DMD: variants seen among roughly 807,000 people sequenced by gnomAD.
DMD encodes mutant dystrophin.
A neutral mutation model predicts 330.1 loss-of-function variants in DMD; 63 were observed. That is an observed-to-expected ratio of 0.19 (90% CI 0.16 to 0.24). The LOEUF (loss-of-function observed/expected upper bound fraction) is 0.24, where lower values mean the gene tolerates loss of function less well. Among genes scored for constraint, DMD ranks in the 10% least tolerant of loss-of-function variants. DMD has a pLI of 1.00. For synonymous variants in DMD, 1,223 were observed against 959.8 expected (o/e 1.27, Z -5.07); for missense variants, 3,344 against 2,684.1 (o/e 1.25, Z -5.43).
intron 43 of DMD, among the ~76,000 whole-genome samples, chrX:32,236,589 T>C (rs2097188791): frequency 9.0e-6 from 1 of 111,388 alleles, no homozygotes; most frequent in Admixed American, 9.5e-5. Flanking sequence ...TGATAGTAAA[T>C]TAGTCTCATG....
At chrX:31,200,753 C>T (rs2043351531) in intron 67 of DMD, among the ~76,000 whole-genome samples, 1 of 110,691 alleles carries the variant, frequency 9.0e-6, no homozygotes, top group South Asian at 3.9e-4. Context: ...AGTATGAGGG[C>T]AATAAGACCA....
At chrX:31,510,016 T>C (rs891577846) in intron 55 of DMD, among the ~76,000 whole-genome samples, 2 of 112,400 alleles carry the variant, frequency 1.8e-5, no homozygotes, top group East Asian at 2.8e-4. Flanking sequence ...TATCTTAGCA[T>C]TGGCAAGAAG....
chrX:32,548,413 G>GA (rs1569176791), intron 16 of DMD, among the ~76,000 whole-genome samples: 1 of 111,854 alleles, frequency 8.9e-6, no homozygotes. Flanking sequence ...ATTTGATGCT[G>GA]AAGGCTAGAT....
At chrX:32,071,330 T>A (rs763532562) in intron 44 of DMD, among the ~76,000 whole-genome samples, 87 of 109,588 alleles carry the variant, frequency 7.9e-4, no homozygotes, top group Admixed American at 1.5e-3. Context: ...GCACCTGTTG[T>A]TTCCTGATTT....
rs777476281 is a variant in DMD, at chrX:32,577,564, C to T, written c.1603-3718G>A. Among the ~76,000 whole-genome samples, 22 of 112,244 alleles carry T rather than the reference C, an allele frequency of 2.0e-4. 1 individual carries two copies. The South Asian group carries it at 8.1e-3, about 41-fold the overall frequency. ...AGAGTTGGTCGTTGTTTACAATTTG[C>T]TTGATCATGGTTCTTACATCAAATC... On this transcript the variant is annotated intron_variant, in intron 13 of 78. Transcript: ENST00000357033.
At chrX:32,609,573 A>T (rs770851684) in intron 12 of DMD, among the ~76,000 whole-genome samples, 1 of 111,172 alleles carries the variant, frequency 9.0e-6, no homozygotes, top group African/African-American at 3.3e-5. Flanking sequence ...GAAATGTCAG[A>T]TCCTTTGGCA....
At chrX:31,214,099 C>A (rs1208134509) in intron 64 of DMD, among the ~76,000 whole-genome samples, 1 of 92,891 alleles carries the variant, frequency 1.1e-5, no homozygotes, top group Admixed American at 1.2e-4. Context: ...TTCCACTGGG[C>A]TTCACCCTCT....
At chrX:32,614,832 GA>G (rs1207011417) in intron 11 of DMD, among the ~76,000 whole-genome samples, 1 of 110,671 alleles carries the variant, frequency 9.0e-6, no homozygotes, top group Non-Finnish European at 1.9e-5. Context: ...CCCTTCAAGA[GA>G]TGAGGTCTAT....
intron 60 of DMD, among the ~76,000 whole-genome samples, chrX:31,360,718 C>T (rs1437371424): frequency 8.9e-6 from 1 of 111,868 alleles, no homozygotes; most frequent in Non-Finnish European, 1.9e-5. Flanking sequence ...GATGTAATAG[C>T]AAATCAGTAA....
intron 21 of DMD, among the ~76,000 whole-genome samples, chrX:32,476,948 A>G (rs1373039949): frequency 9.0e-6 from 1 of 111,500 alleles, no homozygotes; most frequent in East Asian, 2.8e-4. Context: ...CAATAAACAT[A>G]TCCAATCTAA....
intron 1 of DMD, among the ~76,000 whole-genome samples, chrX:33,305,157 G>C (rs865881262): frequency 2.5e-4 from 27 of 107,064 alleles, no homozygotes; most frequent in Middle Eastern, 4.7e-3. Context: ...GCAAAGACTT[G>C]GAACCAACCC....
chrX:31,542,158 G>T (rs1236151862), intron 55 of DMD, among the ~76,000 whole-genome samples: 5 of 111,674 alleles, frequency 4.5e-5, no homozygotes, highest in Non-Finnish European at 9.4e-5. Context: ...CTATAGCAGA[G>T]AGATATAGAG....
chrX:32,456,637 C>T (rs898984284), intron 25 of DMD, among the ~76,000 whole-genome samples: 14 of 103,588 alleles, frequency 1.4e-4, no homozygotes, highest in Admixed American at 8.4e-4. Context: ...TGTGTGTGCA[C>T]GTGCTCAAGT....
rs562052620 is a variant in DMD, at chrX:31,761,682, G to T, written c.7542+12278C>A. ...TCAGACTATGTAAGCTATTATGAAAGTTACTGCTTTCTCTTTCTCCAACAT... is the reference window on the plus strand; with the variant it reads ...TCAGACTATGTAAGCTATTATGAAATTTACTGCTTTCTCTTTCTCCAACAT... On this transcript the variant is annotated intron_variant, in intron 51 of 78. Coordinates refer to ENST00000357033, the MANE Select transcript of DMD (RefSeq NM_004006.3). Among the ~76,000 whole-genome samples, 25 of 112,117 alleles carry T rather than the reference G, an allele frequency of 2.2e-4. No individual in the cohort carries two copies. In the South Asian group the frequency reaches 8.9e-3, roughly 40 times the overall value.
At chrX:31,617,878 G>A (rs981061353) in intron 55 of DMD, among the ~76,000 whole-genome samples, 3 of 111,884 alleles carry the variant, frequency 2.7e-5, no homozygotes, top group African/African-American at 9.7e-5. Context: ...ATACACCAGG[G>A]AATACTGTGC....
At chrX:33,139,868 T>TAAAAAAAAAAAAAAAAAAAAAAAAA (rs3990971) in intron 1 of DMD, among the ~76,000 whole-genome samples, 1 of 64,379 alleles carries the variant, frequency 1.6e-5, no homozygotes, top group African/African-American at 8.0e-5. Context: ...GCCCCATCGC[T>TAAAAAAAAAAAAAAAAAAAAAAAAA]AAAAAAAAAA....
chrX:31,891,752 G>T (rs12008226), intron 47 of DMD, among the ~76,000 whole-genome samples: 4,599 of 110,995 alleles, frequency 0.041, 252 homozygotes, highest in African/African-American at 0.14. Context: ...CATCTGGACC[G>T]TTATAGAAAG....
At chrX:32,692,272 T>C (rs1395027945) in intron 9 of DMD, among the ~76,000 whole-genome samples, 1 of 112,156 alleles carries the variant, frequency 8.9e-6, no homozygotes, top group Non-Finnish European at 1.9e-5. Context: ...AAAATTCTAC[T>C]CAGAAGTCTT....
At chrX:32,582,531 A>C (rs2053758566) in intron 13 of DMD, among the ~76,000 whole-genome samples, 1 of 111,968 alleles carries the variant, frequency 8.9e-6, no homozygotes, top group African/African-American at 3.2e-5. Context: ...ACATAATAAA[A>C]ATGTTGATTC....
Sources: gnomAD v4.1 joint callset for allele counts (sites outside exome capture counted in the v4.1 genomes callset) on GRCh38, gnomAD v4.1.1 for gene constraint, MANE v1.5 for transcripts, NCBI Gene and HGNC (gene_info 2026-07-23, HGNC 2026-07-21) for gene names.